The following TGM3 variants were observed in gnomAD, a reference collection of about 807,000 sequenced individuals.
TGM3 encodes transglutaminase 3.
Under a neutral mutation model 73.8 loss-of-function variants are expected in TGM3, and 52 were observed. The observed-to-expected ratio is 0.70, with a 90% CI of 0.56 to 0.89. The LOEUF (loss-of-function observed/expected upper bound fraction) is 0.89, where lower values mean the gene tolerates loss of function less well. Ranked by LOEUF, TGM3 falls within the 40% of genes least tolerant of loss-of-function variation. TGM3 has a pLI of 0.00. For missense variants in TGM3, 928 were observed against 909.9 expected (o/e 1.02, Z -0.26); for synonymous variants, 372 against 354.9 (o/e 1.05, Z -0.54).
At position 2,309,779 on chromosome 20, in the gene TGM3, A is replaced by T; in HGVS notation, c.130A>T (p.Met44Leu). ...CCAAAACTTCCAGGTCTTAATGATC[A>T]TGAACAAAGGCCTTGGCTCTAACGA... ...RGQNFQVLMI[M>L]NKGLGSNERL... is the part of the protein sequence containing the mutation. The change falls in exon 2 of 13, where the codon ATG (methionine) becomes TTG (leucine). Residue 44 changes from methionine to leucine, a missense_variant. By Grantham distance (15) the Met-to-Leu change is conservative. Coordinates refer to ENST00000381458, the MANE Select transcript of TGM3 (RefSeq NM_003245.4). 6.2e-7 allele frequency: 1 copy of T among 1,614,230 alleles called. No homozygotes were observed. Among genetic ancestry groups the T allele is most frequent in the South Asian group, 1.1e-5 (1 of 91,090 alleles).
At chr20:2,327,315 A>C (rs966312166) in intron 8 of TGM3, among the ~76,000 whole-genome samples, 4 of 125,698 alleles carry the variant, frequency 3.2e-5, no homozygotes, top group African/African-American at 1.9e-4. Context: ...CTAAAATTAC[A>C]AAAAAAAAAA....
chr20:2,310,038 G>T, intron 2 of TGM3, 140 bp from the exon 3 acceptor site: 2 of 1,415,758 alleles, frequency 1.4e-6, no homozygotes, highest in South Asian at 1.3e-5. Flanking sequence ...TGGCCTGTAT[G>T]TTTGTTCCAG....
chr20:2,340,023 C>CGGAGGGGGGGG, intron 12 of TGM3, 36 bp downstream of exon 12: 1 of 120,862 alleles, frequency 8.3e-6, no homozygotes, highest in Non-Finnish European at 1.9e-5. Context: ...TGCAGGAGGG[C>CGGAGGGGGGGG]GGGAGGGGGC....
chr20:2,336,676 G>T (rs796772240), intron 11 of TGM3, among the ~76,000 whole-genome samples: 2 of 151,642 alleles, frequency 1.3e-5, no homozygotes, highest in African/African-American at 4.8e-5. Flanking sequence ...GGGGGAGTTG[G>T]TCCCCTACCT....
chr20:2,325,035 T>C (rs779074096), intron 7 of TGM3, among the ~76,000 whole-genome samples: 4 of 152,218 alleles, frequency 2.6e-5, no homozygotes, highest in Non-Finnish European at 5.9e-5. Flanking sequence ...CTTTATGCTT[T>C]CTGAAATGGG....
chr20:2,338,878 G>A (rs187765945), intron 11 of TGM3, among the ~76,000 whole-genome samples: 1 of 152,374 alleles, frequency 6.6e-6, no homozygotes, highest in Admixed American at 6.5e-5. Flanking sequence ...TTTACCAGAT[G>A]AGGAAGTTGA....
intron 1 of TGM3, among the ~76,000 whole-genome samples, chr20:2,303,089 G>A (rs1001935645): frequency 6.6e-6 from 1 of 152,048 alleles, no homozygotes; most frequent in Non-Finnish European, 1.5e-5. Flanking sequence ...ATTTGAGGTC[G>A]GGAGTTCGAC....
chr20:2,314,388 T>G (rs2084222530), intron 5 of TGM3, among the ~76,000 whole-genome samples: 1 of 151,934 alleles, frequency 6.6e-6, no homozygotes, highest in Non-Finnish European at 1.5e-5. Context: ...TCAAAAGTTG[T>G]AAGTTAAGAT....
At chr20:2,321,764 C>T (rs1014469225) in intron 7 of TGM3, among the ~76,000 whole-genome samples, 1 of 152,144 alleles carries the variant, frequency 6.6e-6, no homozygotes, top group African/African-American at 2.4e-5. Context: ...GGCACACAAC[C>T]AGAAACCCAC....
rs214830 is a variant in TGM3 at position 2,340,459 on chromosome 20, G to A, written c.1960G>A (p.Gly654Arg). ...CGTGCCGACCCTAGGGCCCAAGGAG[G>A]GGTCCCGGGTCCGTTTTGATATCCT... ...IDVPTLGPKE[G>R]SRVRFDILPS... is the part of the protein sequence containing the mutation. Residue 654 changes from glycine (G) to arginine (R), a missense_variant, in exon 13 of 13, where the codon GGG becomes AGG. Coordinates refer to ENST00000381458, the MANE Select transcript of TGM3 (RefSeq NM_003245.4). The A allele has an allele frequency of 3.2e-5, 52 of 1,613,748 alleles. No homozygotes were observed. Among genetic ancestry groups the A allele is most frequent in the Non-Finnish European group, 4.3e-5 (51 of 1,179,936 alleles).
At chr20:2,333,675 C>T (rs2084332546) in intron 10 of TGM3, among the ~76,000 whole-genome samples, 1 of 152,078 alleles carries the variant, frequency 6.6e-6, no homozygotes, top group South Asian at 2.1e-4. Flanking sequence ...GGATTACAGG[C>T]ATAAGCCACC....
chr20:2,302,104 GC>G (rs1222267224), intron 1 of TGM3, among the ~76,000 whole-genome samples: 2 of 152,204 alleles, frequency 1.3e-5, no homozygotes, highest in Admixed American at 6.5e-5. Flanking sequence ...CTGGTTGGGG[GC>G]TAGGGATAGT....
At chr20:2,310,985 T>C in intron 3 of TGM3, 26 bp from the exon 4 acceptor site, 1 of 1,593,230 alleles carries the variant, frequency 6.3e-7, no homozygotes, top group Non-Finnish European at 8.6e-7. Flanking sequence ...TTCTAGTCGC[T>C]GGTGTCTGCT....
At chr20:2,324,298 G>A (rs1368369672) in intron 7 of TGM3, among the ~76,000 whole-genome samples, 7 of 151,586 alleles carry the variant, frequency 4.6e-5, no homozygotes, top group Non-Finnish European at 1.0e-4. Flanking sequence ...TTATTTCGTT[G>A]AGCCTCGCTC....
chr20:2,315,245 A>G (rs915140748), intron 5 of TGM3, among the ~76,000 whole-genome samples: 6 of 152,232 alleles, frequency 3.9e-5, no homozygotes, highest in African/African-American at 7.2e-5. Context: ...TGCACCTCCC[A>G]GATGCTCTAT....
At chr20:2,316,421 C>T (rs578214377) in intron 5 of TGM3, among the ~76,000 whole-genome samples, 64 of 92,818 alleles carry the variant, frequency 6.9e-4, no homozygotes, top group African/African-American at 1.9e-3. Flanking sequence ...AAAAGCTAGC[C>T]GGGCATGGTG....
intron 5 of TGM3, among the ~76,000 whole-genome samples, 175 bp downstream of exon 5, chr20:2,313,201 A>G (rs1439235809): frequency 2.6e-5 from 4 of 152,232 alleles, no homozygotes; most frequent in Non-Finnish European, 5.9e-5. Context: ...TCTAAGTTAC[A>G]GGGCTTGCCT....
At chr20:2,305,915 C>A (rs192475555) in intron 1 of TGM3, among the ~76,000 whole-genome samples, 4 of 152,208 alleles carry the variant, frequency 2.6e-5, no homozygotes, top group African/African-American at 9.7e-5. Context: ...CACAAATGCC[C>A]AGTAAACTTC....
rs749279971 is a variant in TGM3 at position 2,309,690 on chromosome 20, C to G, written c.41C>G (p.Ala14Gly). The G allele has an allele frequency of 1.1e-4, 177 of 1,614,032 alleles. No homozygotes were observed. The highest frequency in any genetic ancestry group is 7.6e-6 in the Non-Finnish European group (9 of 1,180,020). The change falls in exon 2 of 13, where the codon GCC (alanine) becomes GGC (glycine). Residue 14 changes from alanine (A) to glycine (G), a missense_variant. Transcript: ENST00000381458. ...LGVQSINWQT[A>G]FNRQAHHTDK... ...GTCCAGAGTATCAACTGGCAGACGG[C>G]CTTCAACCGACAAGCGCATCACACA... is the stretch of plus-strand genomic sequence containing the variant.
Sources: gnomAD v4.1 joint callset for allele counts (sites outside exome capture counted in the v4.1 genomes callset) on GRCh38, gnomAD v4.1.1 for gene constraint, MANE v1.5 for transcripts, NCBI Gene and HGNC (gene_info 2026-07-23, HGNC 2026-07-21) for gene names.